The following UNC80 variants were observed in gnomAD, a reference collection of about 807,000 sequenced individuals.
UNC80 encodes protein unc-80 homolog.
UNC80 carries 164 observed loss-of-function variants against 384.6 expected under a neutral mutation model. The observed-to-expected ratio is 0.43, with a 90% CI of 0.38 to 0.49. UNC80 has a LOEUF of 0.49. Ranked by LOEUF, UNC80 falls within the 20% of genes least tolerant of loss-of-function variation. The pLI is 0.00. For synonymous variants in UNC80, 1,486 were observed against 1,527.8 expected, an observed-to-expected ratio of 0.97 and a Z score of 0.64; for missense variants, 3,330 against 4,143.0, an observed-to-expected ratio of 0.80 and a Z score of 5.39.
chr2:209,901,702 G>A (rs929517649), intron 28 of UNC80, among the ~76,000 whole-genome samples: 2 of 152,058 alleles, frequency 1.3e-5, no homozygotes, highest in African/African-American at 2.4e-5. Context: ...CGAGACAGGC[G>A]GATCACGAGG....
At chr2:209,814,340 A>G (rs1322416394) in intron 8 of UNC80, among the ~76,000 whole-genome samples, 4 of 151,690 alleles carry the variant, frequency 2.6e-5, no homozygotes, top group Non-Finnish European at 5.9e-5. Flanking sequence ...GGTTCACGCC[A>G]TTCTCCTGCC....
chr2:209,896,448 A>G, intron 28 of UNC80, 35 bp downstream of exon 28: 1 of 1,515,016 alleles, frequency 6.6e-7, no homozygotes, highest in African/African-American at 1.4e-5. Flanking sequence ...CCTGAGATCA[A>G]TTTCTTTTGG....
At chr2:209,846,046 T>A (rs1357795489) in intron 21 of UNC80, among the ~76,000 whole-genome samples, 1 of 152,018 alleles carries the variant, frequency 6.6e-6, no homozygotes, top group Non-Finnish European at 1.5e-5. Context: ...TCTATGTGTA[T>A]AAATGATTCG....
intron 28 of UNC80, among the ~76,000 whole-genome samples, chr2:209,898,146 T>C (rs2086991335): frequency 6.6e-6 from 1 of 152,152 alleles, no homozygotes. Context: ...TTTTTCAATT[T>C]TGTCTTTTAA....
At position 209,799,085 on chromosome 2, in the gene UNC80, GTTT is replaced by G. The variant is rs60812648; in HGVS notation, c.938+5236_938+5238del. Among the ~76,000 whole-genome samples, 7 of 144,850 alleles carry G rather than the reference GTTT, an allele frequency of 4.8e-5. No individual in the cohort carries two copies. The South Asian group carries it at 1.5e-3, about 32-fold the overall frequency. ...ATTATTTTAAAAAAATAAAATAAGT[GTTT>G]TTTTTTTTTCTAATTCTGTGAAGAA... is the stretch of plus-strand genomic sequence containing the variant. On this transcript the variant is annotated intron_variant, in intron 7 of 64. Coordinates refer to ENST00000673920, the MANE Select transcript of UNC80 (RefSeq NM_001371986.1).
At chr2:209,977,242 A>T (rs75931221) in intron 58 of UNC80, among the ~76,000 whole-genome samples, 164 bp downstream of exon 58, 19 of 152,362 alleles carry the variant, frequency 1.2e-4, no homozygotes, top group South Asian at 8.3e-4. Flanking sequence ...CCATTTGACC[A>T]CCACTAGATT....
At chr2:209,887,242 T>G (rs2124906005) in intron 25 of UNC80, among the ~76,000 whole-genome samples, 1 of 152,120 alleles carries the variant, frequency 6.6e-6, no homozygotes, top group African/African-American at 2.4e-5. Flanking sequence ...TTTCTCGATG[T>G]TGGTCAGGCT....
chr2:209,957,629 C>T lies in UNC80; in HGVS notation c.7458-15C>T, dbSNP rs537080739. 3.1e-4 allele frequency: 487 copies of T among 1,546,870 alleles called. 6 individuals are homozygous for T. In the South Asian group the frequency reaches 5.0e-3, roughly 16 times the overall value. ...TGTTGTTGTTTTGCTGTGGTGATTACTGTCATTGTTACAGGCCCATGACAG... is the reference window on the plus strand; with the variant it reads ...TGTTGTTGTTTTGCTGTGGTGATTATTGTCATTGTTACAGGCCCATGACAG... On this transcript the variant is annotated splice_polypyrimidine_tract_variant and intron_variant, in intron 48 of 64. Transcript: ENST00000673920.
In UNC80 at chr2:209,976,970, G is replaced by A. The variant is rs1317692901; in HGVS notation, c.8830G>A (p.Asp2944Asn). ...EELSARQHIA[D>N]QLERRFIPRP... ...GCTTTCCGCCCGGCAACATATTGCC[G>A]ACCAGCTGGAGCGGCGCTTCATACC... The change falls in exon 58 of 65, where the codon GAC (aspartate) becomes AAC (asparagine). Residue 2944 changes from aspartate to asparagine, a missense_variant. By Grantham distance (23) the Asp-to-Asn change is conservative (BLOSUM62 1). Transcript: ENST00000673920. The surrounding 1 kb of genome is among the most constrained non-coding windows in gnomAD (Gnocchi z 4.3). The A allele has an allele frequency of 4.6e-6, 7 of 1,532,598 alleles. No individual in the cohort carries two copies. The highest frequency in any genetic ancestry group is 2.7e-5 in the African/African-American group (2 of 72,768). 94.9% of individuals were successfully genotyped at this position (1,532,598 alleles called of 1,614,324 possible).
At chr2:209,944,925 T>G in intron 45 of UNC80, 126 bp from the exon 46 acceptor site, 1 of 1,116,988 alleles carries the variant, frequency 9.0e-7, no homozygotes, top group Non-Finnish European at 1.3e-6. Flanking sequence ...CAGAATTATG[T>G]AAGCTGAATT....
chr2:209,804,970 A>C (rs1051553427), intron 7 of UNC80, among the ~76,000 whole-genome samples: 10 of 152,166 alleles, frequency 6.6e-5, no homozygotes, highest in African/African-American at 2.4e-4. Context: ...CATTTTTCCA[A>C]AAGTTCTTTA....
chr2:209,808,767 T>TCAGCGACCTCGTTGCC (rs2079103043), intron 7 of UNC80: 7 of 59,222 alleles, frequency 1.2e-4, no homozygotes, highest in African/African-American at 8.8e-4. Flanking sequence ...CCTGCGCTAC[T>TCAGCGACCTCGTTGCC]TCTGCGCTAC....
chr2:209,877,603 G>A (rs1290071783), intron 23 of UNC80, among the ~76,000 whole-genome samples: 2 of 152,064 alleles, frequency 1.3e-5, no homozygotes, highest in African/African-American at 4.8e-5. Flanking sequence ...ATGTTTTACT[G>A]CAACAAAATC....
intron 22 of UNC80, among the ~76,000 whole-genome samples, chr2:209,854,503 A>G (rs1427215329): frequency 6.6e-6 from 1 of 152,190 alleles, no homozygotes; most frequent in Non-Finnish European, 1.5e-5. Flanking sequence ...AACTATCATC[A>G]GAATGAACAG....
chr2:209,819,766 C>T (rs1455488173), intron 12 of UNC80, among the ~76,000 whole-genome samples: 1 of 152,012 alleles, frequency 6.6e-6, no homozygotes, highest in African/African-American at 2.4e-5. Flanking sequence ...AATTTTATTG[C>T]ACATTAGGAA....
rs778903189 is a variant in UNC80, at chr2:209,842,369, T to A, written c.3377T>A (p.Val1126Glu). ...TTTCAGGTCAAATTCACTAGTGCTG[T>A]GAAGCTTTCTGAAGGTGGGCCAGGA... ...QSSKVKFTSAVKLSEGGPGSG... is the reference protein window; with the variant it reads ...QSSKVKFTSAEKLSEGGPGSG... The change falls in exon 21 of 65, where the codon GTG becomes GAG. Residue 1126 changes from valine (V) to glutamate (E), a missense_variant. This residue lies in a region of UNC80 where 801 missense variants were observed against 950.8 expected (regional missense o/e 0.84). Coordinates refer to ENST00000673920, the MANE Select transcript of UNC80 (RefSeq NM_001371986.1). The A allele has an allele frequency of 6.4e-7, 1 of 1,551,204 alleles. No individual in the cohort carries two copies. Among genetic ancestry groups the A allele is most frequent in the Non-Finnish European group, 8.7e-7 (1 of 1,146,730 alleles).
At chr2:209,954,432 G>T (rs1356113620) in intron 48 of UNC80, 162 bp downstream of exon 48, 8 of 521,356 alleles carry the variant, frequency 1.5e-5, no homozygotes, top group Non-Finnish European at 2.5e-5. Context: ...TGAACAGTTC[G>T]TGAGTTATTT....
chr2:209,969,316 T>C (rs892021012), intron 52 of UNC80: 2 of 156,558 alleles, frequency 1.3e-5, no homozygotes, highest in African/African-American at 4.8e-5. Context: ...TCTAATGTGA[T>C]CTTCTTGGCA....
Position 209,937,646 on chromosome 2 carries a change from A to C in UNC80, c.6465+16A>C, listed in dbSNP as rs1231087363. On this transcript the variant is annotated intron_variant, in intron 42 of 64. Coordinates refer to ENST00000673920, the MANE Select transcript of UNC80 (RefSeq NM_001371986.1). ...TCAGAAACAGGTGACAGACCACGTC[A>C]GTTTTATTCCATGGTTTTGTCATGT... 6.6e-7 allele frequency: 1 copy of C among 1,521,774 alleles called. No individual in the cohort carries two copies. Among genetic ancestry groups the C allele is most frequent in the Non-Finnish European group, 8.9e-7 (1 of 1,119,612 alleles). 94.3% of individuals were successfully genotyped at this position (1,521,774 alleles called of 1,614,324 possible). A position where few individuals can be genotyped will look rare whatever the true frequency, so the allele number is the denominator to read the frequency against.
Sources: gnomAD v4.1 joint callset for allele counts (sites outside exome capture counted in the v4.1 genomes callset) on GRCh38, gnomAD v4.1.1 for gene constraint, gnomAD v4.1.1 regional missense constraint, Gnocchi (gnomAD v3.1) non-coding constraint, MANE v1.5 for transcripts, NCBI Gene and HGNC (gene_info 2026-07-23, HGNC 2026-07-21) for gene names.